The following APLNR variants were observed in gnomAD, a reference collection of about 807,000 sequenced individuals.
APLNR encodes APJ (apelin) receptor.
Under a neutral mutation model 23.4 loss-of-function variants are expected in APLNR, and 13 were observed. That is an observed-to-expected ratio of 0.56 (90% CI 0.36 to 0.88). APLNR has a LOEUF of 0.88. Among genes scored for constraint, APLNR ranks in the 40% least tolerant of loss-of-function variants. APLNR has a pLI of 0.01. For synonymous variants in APLNR, 234 were observed against 211.9 expected (o/e 1.10, Z -0.91); for missense variants, 480 against 517.1 (o/e 0.93, Z 0.70).
chr11:57,237,056 T>A lies in APLNR; in HGVS notation c.-52A>T. Reference sequence around the variant, plus strand: ...GAGGGTCCCAGGGACACCAGCTCCGTGGCTCTGTCACCCACTCTGCAAGCA... The same window carrying A: ...GAGGGTCCCAGGGACACCAGCTCCGAGGCTCTGTCACCCACTCTGCAAGCA... On this transcript the variant is annotated 5_prime_UTR_variant, in exon 1 of 1. Coordinates refer to ENST00000606794, the MANE Select transcript of APLNR (RefSeq NM_005161.6). 1 of 1,515,700 alleles carries A rather than the reference T, an allele frequency of 6.6e-7. No homozygotes were observed. The highest frequency in any genetic ancestry group is 8.8e-7 in the Non-Finnish European group (1 of 1,131,264). 93.9% of individuals were successfully genotyped at this position (1,515,700 alleles called of 1,614,324 possible).
At position 57,234,559 on chromosome 11, in the gene APLNR, G is replaced by T. The variant is rs1347847818; in HGVS notation, c.*1303C>A. 5 of 152,210 alleles carry T rather than the reference G, an allele frequency of 3.3e-5. No individual in the cohort carries two copies. The highest frequency in any genetic ancestry group is 1.2e-4 in the African/African-American group (5 of 41,432). The allele number at this position is 152,210 out of a possible 1,614,324, so 9.4% of individuals were successfully genotyped here. On this transcript the variant is annotated 3_prime_UTR_variant, in exon 1 of 1. Transcript: ENST00000606794. ...TTGGAGCCCCCAAATCCAGTAGGGGGTGGACTCATTTTTATTCTACATTTT... is the reference window on the plus strand; with the variant it reads ...TTGGAGCCCCCAAATCCAGTAGGGGTTGGACTCATTTTTATTCTACATTTT...
rs1156413531 is a variant in APLNR at position 57,236,826 on chromosome 11, T to C, written c.179A>G (p.Lys60Arg). The C allele has an allele frequency of 1.1e-5, 17 of 1,614,104 alleles. No individual in the cohort carries two copies. The highest frequency in any genetic ancestry group is 1.4e-5 in the Non-Finnish European group (17 of 1,180,052). Residue 60 changes from lysine to arginine, a missense_variant, in exon 1 of 1, where the codon AAG becomes AGG. Transcript: ENST00000606794. Reference sequence around the variant, plus strand: ...AATGAAGATATCAGCTGAGCGCCTCTTCTCCCGGCTGCTCCGAAACACGGT... The same window carrying C: ...AATGAAGATATCAGCTGAGCGCCTCCTCTCCCGGCTGCTCCGAAACACGGT... Reference protein sequence around the residue: ...LWTVFRSSREKRRSADIFIAS... With the variant: ...LWTVFRSSRERRRSADIFIAS...
rs142294759 is a variant in APLNR, at chr11:57,235,907, G to T, written c.1098C>A (p.His366Gln). 2 of 1,613,632 alleles carry T rather than the reference G, an allele frequency of 1.2e-6. No homozygotes were observed. The highest frequency in any genetic ancestry group is 1.1e-5 in the South Asian group (1 of 90,980). Residue 366 changes from histidine (H) to glutamine (Q), a missense_variant, in exon 1 of 1, where the codon CAC becomes CAA. Coordinates refer to ENST00000606794, the MANE Select transcript of APLNR (RefSeq NM_005161.6). ...PNMGKGGEQM[H>Q]EKSIPYSQET... ...CCTGGCTGTAGGGGATGGATTTCTC[G>T]TGCATCTGTTCTCCACCCTTGCCCA...
At position 57,237,152 on chromosome 11, in the gene APLNR, A is replaced by G. The variant is rs1160231384; in HGVS notation, c.-148T>C. ...ATGCCCAGAGTCCTTCCCAGCACTC[A>G]GGAGGAGCTGCCTCTGGGTTCTCCA... On this transcript the variant is annotated 5_prime_UTR_variant, in exon 1 of 1. Transcript: ENST00000606794. 7 of 795,232 alleles carry G rather than the reference A, an allele frequency of 8.8e-6. No individual in the cohort carries two copies. The highest frequency in any genetic ancestry group is 3.5e-5 in the African/African-American group (2 of 57,100). The allele number at this position is 795,232 out of a possible 1,614,324, so 49.3% of individuals were successfully genotyped here. A position where few individuals can be genotyped will look rare whatever the true frequency, so the allele number is the denominator to read the frequency against.
In APLNR at chr11:57,236,831, C is replaced by A. The variant is rs1855023329; in HGVS notation, c.174G>T (p.Arg58=). Residue 58 remains arginine, a synonymous_variant, in exon 1 of 1, where the codon CGG becomes CGT. Coordinates refer to ENST00000606794, the MANE Select transcript of APLNR (RefSeq NM_005161.6). ...LVLWTVFRSS[R]EKRRSADIFI... is the part of the protein sequence containing the mutation. ...AGATATCAGCTGAGCGCCTCTTCTCCCGGCTGCTCCGAAACACGGTCCAGA... is the reference window on the plus strand; with the variant it reads ...AGATATCAGCTGAGCGCCTCTTCTCACGGCTGCTCCGAAACACGGTCCAGA... 1 of 1,614,112 alleles carries A rather than the reference C, an allele frequency of 6.2e-7. No individual in the cohort carries two copies. Among genetic ancestry groups the A allele is most frequent in the Non-Finnish European group, 8.5e-7 (1 of 1,180,042 alleles).
chr11:57,236,785 C>G lies in APLNR; in HGVS notation c.220G>C (p.Ala74Pro). 1 of 1,614,174 alleles carries G rather than the reference C, an allele frequency of 6.2e-7. No homozygotes were observed. Among genetic ancestry groups the G allele is most frequent in the Non-Finnish European group, 8.5e-7 (1 of 1,180,036 alleles). ...ADIFIASLAV[A>P]DLTFVVTLPL... Reference sequence around the variant, plus strand: ...AGCGTCACCACGAAGGTCAGGTCAGCCACCGCCAGGCTAGCAATGAAGATA... The same window carrying G: ...AGCGTCACCACGAAGGTCAGGTCAGGCACCGCCAGGCTAGCAATGAAGATA... Residue 74 changes from alanine to proline, a missense_variant, in exon 1 of 1, where the codon GCT (alanine) becomes CCT (proline). Coordinates refer to ENST00000606794, the MANE Select transcript of APLNR (RefSeq NM_005161.6).
In APLNR at chr11:57,236,069, G is replaced by A. The variant is rs753058631; in HGVS notation, c.936C>T (p.Phe312=). ...SCLNPFLYAF[F]DPRFRQACTS... is the part of the protein sequence containing the mutation. ...TGCAGGCCTGGCGGAAGCGGGGGTC[G>A]AAAAAGGCATAGAGGAAGGGGTTGA... Residue 312 remains phenylalanine (F), a synonymous_variant, in exon 1 of 1, where the codon TTC becomes TTT. Coordinates refer to ENST00000606794, the MANE Select transcript of APLNR (RefSeq NM_005161.6). 15 of 1,614,152 alleles carry A rather than the reference G, an allele frequency of 9.3e-6. No homozygotes were observed. The highest frequency in any genetic ancestry group is 4.5e-5 in the East Asian group (2 of 44,878).
chr11:57,236,469 A>T lies in APLNR; in HGVS notation c.536T>A (p.Val179Glu), dbSNP rs759679942. The change falls in exon 1 of 1, where the codon GTG (valine) becomes GAG (glutamate). Residue 179 changes from valine to glutamate, a missense_variant. Coordinates refer to ENST00000606794, the MANE Select transcript of APLNR (RefSeq NM_005161.6). ...CATGGAGTAGTCCATGTAGCACTGC[A>T]CCTTAGTGGTGTTCTCCAAGTCCCC... is the stretch of plus-strand genomic sequence containing the variant. Reference protein sequence around the residue: ...TTGDLENTTKVQCYMDYSMVA... With the variant: ...TTGDLENTTKEQCYMDYSMVA... 42 of 1,614,026 alleles carry T rather than the reference A, an allele frequency of 2.6e-5. No homozygotes were observed. Among genetic ancestry groups the T allele is most frequent in the Non-Finnish European group, 3.1e-5 (37 of 1,180,004 alleles).
chr11:57,234,674 G>A lies in APLNR; in HGVS notation c.*1188C>T, dbSNP rs1854981663. On this transcript the variant is annotated 3_prime_UTR_variant, in exon 1 of 1. Transcript: ENST00000606794. ...GTTGCAGTGGATTGGGGGGTGGGAGGAGGTTTGTCCAAATGACCCAGGCAC... is the reference window on the plus strand; with the variant it reads ...GTTGCAGTGGATTGGGGGGTGGGAGAAGGTTTGTCCAAATGACCCAGGCAC... The A allele has an allele frequency of 6.6e-6, 1 of 152,274 alleles. No homozygotes were observed. Among genetic ancestry groups the A allele is most frequent in the African/African-American group, 2.4e-5 (1 of 41,428 alleles). 9.4% of individuals were successfully genotyped at this position (152,274 alleles called of 1,614,324 possible).
rs1193505336 is a variant in APLNR at position 57,236,941 on chromosome 11, T to A, written c.64A>T (p.Thr22Ser). The A allele has an allele frequency of 1.2e-6, 2 of 1,613,328 alleles. No homozygotes were observed. The highest frequency in any genetic ancestry group is 3.3e-5 in the Admixed American group (2 of 59,974). The change falls in exon 1 of 1, where the codon ACA (threonine) becomes TCA (serine). Residue 22 changes from threonine (T) to serine (S), a missense_variant. Coordinates refer to ENST00000606794, the MANE Select transcript of APLNR (RefSeq NM_005161.6). ...AGGGCCCCCGAGGATTTCCAGTCTG[T>A]GTACTCACACTCAGACTGGTTGTCT... Reference protein sequence around the residue: ...GADNQSECEYTDWKSSGALIP... With the variant: ...GADNQSECEYSDWKSSGALIP...
In APLNR at chr11:57,235,598, C is replaced by T. The variant is rs1454811375; in HGVS notation, c.*264G>A. 1 of 402,256 alleles carries T rather than the reference C, an allele frequency of 2.5e-6. No individual in the cohort carries two copies. The highest frequency in any genetic ancestry group is 2.0e-5 in the African/African-American group (1 of 49,070). 24.9% of individuals were successfully genotyped at this position (402,256 alleles called of 1,614,324 possible). A position where few individuals can be genotyped will look rare whatever the true frequency, so the allele number is the denominator to read the frequency against. ...ATTTTAGGATCAATATGACTTTCCC[C>T]CATTTCATACCAATGGAGAAACTGA... On this transcript the variant is annotated 3_prime_UTR_variant, in exon 1 of 1. Coordinates refer to ENST00000606794, the MANE Select transcript of APLNR (RefSeq NM_005161.6).
At position 57,235,847 on chromosome 11, in the gene APLNR, T is replaced by C. The variant is rs1311292256; in HGVS notation, c.*15A>G. On this transcript the variant is annotated 3_prime_UTR_variant, in exon 1 of 1. Transcript: ENST00000606794. ...GGGAGGGCCGAGGGCGCCAGGCTTC[T>C]CTCTGCTCCCAGCCCTAGTCAACCA... The C allele has an allele frequency of 1.9e-6, 3 of 1,582,220 alleles. No individual in the cohort carries two copies. The highest frequency in any genetic ancestry group is 1.8e-5 in the Admixed American group (1 of 55,664).
At position 57,234,344 on chromosome 11, in the gene APLNR, G is replaced by A. The variant is rs186275554; in HGVS notation, c.*1518C>T. 204 of 152,400 alleles carry A rather than the reference G, an allele frequency of 1.3e-3. No homozygotes were observed. The highest frequency in any genetic ancestry group is 2.6e-3 in the Non-Finnish European group (176 of 68,132). 9.4% of individuals were successfully genotyped at this position (152,400 alleles called of 1,614,324 possible). The stretch of plus-strand genomic sequence containing the variant: ...TGCTCATAAATTTGAAGCCAGGCGG[G>A]GAGGCACCGGAAAGGGGCCAAGGGA... On this transcript the variant is annotated 3_prime_UTR_variant, in exon 1 of 1. Coordinates refer to ENST00000606794, the MANE Select transcript of APLNR (RefSeq NM_005161.6).
In APLNR at chr11:57,237,015, G is replaced by A. The variant is rs1296922201; in HGVS notation, c.-11C>T. 6.4e-7 allele frequency: 1 copy of A among 1,562,330 alleles called. No homozygotes were observed. The highest frequency in any genetic ancestry group is 1.8e-5 in the Admixed American group (1 of 54,878). On this transcript the variant is annotated 5_prime_UTR_variant, in exon 1 of 1. Coordinates refer to ENST00000606794, the MANE Select transcript of APLNR (RefSeq NM_005161.6). The stretch of plus-strand genomic sequence containing the variant: ...ACCACCTTCCTCCATGCTGGGGAGT[G>A]GAGAGAAGACGGGCAGAGGGTCCCA...
In APLNR at chr11:57,235,875, A is replaced by G. The variant is rs1237677209; in HGVS notation, c.1130T>C (p.Leu377Pro). 1.9e-6 allele frequency: 3 copies of G among 1,607,608 alleles called. No homozygotes were observed. The African/African-American group carries it at 4.0e-5, about 21-fold the overall frequency. Reference protein sequence around the residue: ...EKSIPYSQETLVVD With the variant: ...EKSIPYSQETPVVD ...CTGCTCCCAGCCCTAGTCAACCACA[A>G]GGGTCTCCTGGCTGTAGGGGATGGA... is the stretch of plus-strand genomic sequence containing the variant. The change falls in exon 1 of 1, where the codon CTT (leucine) becomes CCT (proline). Residue 377 changes from leucine (L) to proline (P), a missense_variant. Leu to Pro is a moderately conservative substitution (Grantham distance 98, BLOSUM62 -3). Coordinates refer to ENST00000606794, the MANE Select transcript of APLNR (RefSeq NM_005161.6).
chr11:57,235,564 G>C lies in APLNR; in HGVS notation c.*298C>G. On this transcript the variant is annotated 3_prime_UTR_variant, in exon 1 of 1. Coordinates refer to ENST00000606794, the MANE Select transcript of APLNR (RefSeq NM_005161.6). The stretch of plus-strand genomic sequence containing the variant: ...CAAGCTTTTACTGCGTCCAGACTCA[G>C]GCTTCAACATTTTAGGATCAATATG... 1 of 304,588 alleles carries C rather than the reference G, an allele frequency of 3.3e-6. No individual in the cohort carries two copies. The highest frequency in any genetic ancestry group is 6.0e-6 in the Non-Finnish European group (1 of 166,740). The allele number at this position is 304,588 out of a possible 1,614,324, so 18.9% of individuals were successfully genotyped here.
rs1565194248 is a variant in APLNR, at chr11:57,236,233, CA to C, written c.771del (p.Phe257LeufsTer11). 1 of 1,613,876 alleles carries C rather than the reference CA, an allele frequency of 6.2e-7. No individual in the cohort carries two copies. Among genetic ancestry groups the C allele is most frequent in the Admixed American group, 1.7e-5 (1 of 60,022 alleles). ...LSIIVVLVVT[F>X]ALCWMPYHLV... Reference sequence around the variant, plus strand: ...AGGTGGTAGGGCATCCAGCACAGGGCAAAGGTCACCACCAGCACCACGATGA... The same window carrying C: ...AGGTGGTAGGGCATCCAGCACAGGGCAAGGTCACCACCAGCACCACGATGA... On this transcript the variant is annotated frameshift_variant, in exon 1 of 1. Coordinates refer to ENST00000606794, the MANE Select transcript of APLNR (RefSeq NM_005161.6). LOFTEE classifies it high-confidence loss of function.
chr11:57,236,569 C>T lies in APLNR; in HGVS notation c.436G>A (p.Gly146Arg), dbSNP rs755793037. The T allele has an allele frequency of 6.2e-6, 10 of 1,613,178 alleles. No individual in the cohort carries two copies. Among genetic ancestry groups the T allele is most frequent in the Non-Finnish European group, 6.8e-6 (8 of 1,179,832 alleles). ...ANARLRLRVS[G>R]AVATAVLWVL... ...CAAAGAACTGCCGTGGCCACGGCCC[C>T]GCTGACCCGCAGCCTCAGCCGAGCA... is the stretch of plus-strand genomic sequence containing the variant. Residue 146 changes from glycine to arginine, a missense_variant, in exon 1 of 1, where the codon GGG becomes AGG. Gly to Arg is a moderately radical substitution (Grantham distance 125). Transcript: ENST00000606794.
rs1854998462 is a variant in APLNR, at chr11:57,235,672, A to C, written c.*190T>G. 1.4e-5 allele frequency: 9 copies of C among 661,226 alleles called. No individual in the cohort carries two copies. 41.0% of individuals were successfully genotyped at this position (661,226 alleles called of 1,614,324 possible). A position where few individuals can be genotyped will look rare whatever the true frequency, so the allele number is the denominator to read the frequency against. On this transcript the variant is annotated 3_prime_UTR_variant, in exon 1 of 1. Transcript: ENST00000606794. The stretch of plus-strand genomic sequence containing the variant: ...GTGCAGGGTCAGGTCTGTAGAGCCC[A>C]GTCTCTTTCCCCTAAACCACAAACC...
Sources: allele counts gnomAD v4.1 joint callset, GRCh38; gene constraint gnomAD v4.1.1; transcripts MANE v1.5; gene names NCBI Gene and HGNC (gene_info 2026-07-23, HGNC 2026-07-21).